The following NTNG1 variants were observed in gnomAD, a reference collection of about 807,000 sequenced individuals.
NTNG1 encodes netrin-G1.
A neutral mutation model predicts 54.0 loss-of-function variants in NTNG1; 16 were observed. The observed-to-expected ratio is 0.30, with a 90% CI of 0.20 to 0.45. The LOEUF is 0.45. Ranked by LOEUF, NTNG1 falls within the 20% of genes least tolerant of loss-of-function variation. The pLI is 1.00. For missense variants in NTNG1, 530 were observed against 678.7 expected, an observed-to-expected ratio of 0.78 and a Z score of 2.43; for synonymous variants, 255 against 263.1, an observed-to-expected ratio of 0.97 and a Z score of 0.30.
At chr1:107,407,494 G>C (rs1306326272) in intron 4 of NTNG1, among the ~76,000 whole-genome samples, 188 bp from the exon 5 acceptor site, 1 of 150,568 alleles carries the variant, frequency 6.6e-6, no homozygotes, top group Admixed American at 6.6e-5. Context: ...GCTGGAAATT[G>C]TGTGTGTGTG....
chr1:107,226,334 C>T (rs1021547394), intron 2 of NTNG1, among the ~76,000 whole-genome samples: 2 of 152,078 alleles, frequency 1.3e-5, no homozygotes, highest in Non-Finnish European at 2.9e-5. Flanking sequence ...TATTCAGATG[C>T]AACCATTAAC....
chr1:107,441,986 T>G (rs1452358210), intron 7 of NTNG1, among the ~76,000 whole-genome samples: 1 of 152,114 alleles, frequency 6.6e-6, no homozygotes, highest in African/African-American at 2.4e-5. Flanking sequence ...AGAAAGGTAT[T>G]GTGAGAGCAT....
At chr1:107,335,667 A>AT (rs77046698) in intron 3 of NTNG1, among the ~76,000 whole-genome samples, 13,815 of 151,458 alleles carry the variant, frequency 0.091, 748 homozygotes, top group East Asian at 0.16. Flanking sequence ...ATGATTTTCT[A>AT]TTTTTTTTCA....
intron 5 of NTNG1, among the ~76,000 whole-genome samples, chr1:107,414,321 A>C (rs1439768014): frequency 1.3e-5 from 2 of 152,180 alleles, no homozygotes; most frequent in Non-Finnish European, 2.9e-5. Context: ...TGCGACCACT[A>C]AATTGTCATG....
chr1:107,166,109 C>A (rs1019854808), intron 2 of NTNG1, among the ~76,000 whole-genome samples: 2 of 152,030 alleles, frequency 1.3e-5, no homozygotes, highest in Non-Finnish European at 2.9e-5. Context: ...GCAATGGGAA[C>A]ACAGAAAGAA....
At chr1:107,197,599 G>A (rs188133360) in intron 2 of NTNG1, among the ~76,000 whole-genome samples, 8 of 152,056 alleles carry the variant, frequency 5.3e-5, no homozygotes, top group African/African-American at 1.9e-4. Context: ...CAACAGATTT[G>A]TGCAGGACTA....
At chr1:107,422,956 AT>A (rs1198984742) in intron 5 of NTNG1, among the ~76,000 whole-genome samples, 2 of 152,158 alleles carry the variant, frequency 1.3e-5, no homozygotes, top group African/African-American at 4.8e-5. Flanking sequence ...TCTTAGTAAC[AT>A]TCTTTTTCTT....
At chr1:107,309,295 T>C (rs57186965) in intron 2 of NTNG1, among the ~76,000 whole-genome samples, 4,093 of 152,226 alleles carry the variant, frequency 0.027, 179 homozygotes, top group African/African-American at 0.092. Context: ...TATAAACTCA[T>C]GTTTGAGAAT....
chr1:107,437,383 G>C (rs188316053), intron 7 of NTNG1, among the ~76,000 whole-genome samples: 1 of 152,330 alleles, frequency 6.6e-6, no homozygotes, highest in Non-Finnish European at 1.5e-5. Context: ...ATTTGGTTCA[G>C]CCTCATTTCT....
At chr1:107,265,201 G>A (rs1334427378) in intron 2 of NTNG1, among the ~76,000 whole-genome samples, 1 of 152,076 alleles carries the variant, frequency 6.6e-6, no homozygotes, top group Non-Finnish European at 1.5e-5. Flanking sequence ...CAGAATAGTA[G>A]ATGCTGATAA....
In NTNG1 at chr1:107,429,750, C is replaced by A. The variant is rs1044674318; in HGVS notation, c.1088-1000C>A. The stretch of plus-strand genomic sequence containing the variant: ...AGATACCCCACCTAGTTACCACTCA[C>A]ACTTTTGTGATAATTATTTCTACCA... On this transcript the variant is annotated intron_variant, in intron 5 of 7. Transcript: ENST00000370068. 2.6e-5 allele frequency among the ~76,000 whole-genome samples: 4 copies of A among 152,156 alleles called. No homozygotes were observed. In the East Asian group the frequency reaches 7.7e-4, roughly 29 times the overall value.
chr1:107,280,973 C>T (rs3125668), intron 2 of NTNG1, among the ~76,000 whole-genome samples: 116,112 of 151,636 alleles, frequency 0.77, 45,069 homozygotes, highest in East Asian at 0.9. Context: ...GCAATTGTTC[C>T]ATATAATATG....
In NTNG1 at chr1:107,425,739, C is replaced by A. The variant is rs567467496; in HGVS notation, c.1088-5011C>A. On this transcript the variant is annotated intron_variant, in intron 5 of 7. Coordinates refer to ENST00000370068, the MANE Select transcript of NTNG1 (RefSeq NM_001113226.3). The stretch of plus-strand genomic sequence containing the variant: ...TCAAATGACAGTTCTATTTTTAGTT[C>A]TTTGAGATATCTCCATACTGTTTCC... 1.5e-4 allele frequency among the ~76,000 whole-genome samples: 23 copies of A among 152,100 alleles called. No homozygotes were observed. The South Asian group carries it at 4.8e-3, about 32-fold the overall frequency.
chr1:107,268,484 ATAT>A (rs1207758437), intron 2 of NTNG1, among the ~76,000 whole-genome samples: 1,868 of 41,922 alleles, frequency 0.045, 31 homozygotes, highest in African/African-American at 0.11. Flanking sequence ...GTCTCTCATC[ATAT>A]TTTTTTTTTT....
At chr1:107,363,662 G>T (rs1231042919) in intron 3 of NTNG1, among the ~76,000 whole-genome samples, 1 of 151,794 alleles carries the variant, frequency 6.6e-6, no homozygotes, top group Non-Finnish European at 1.5e-5. Flanking sequence ...ATCCTCTCTT[G>T]CCAGTTATAT....
At chr1:107,243,616 G>C (rs892320310) in intron 2 of NTNG1, among the ~76,000 whole-genome samples, 12 of 151,932 alleles carry the variant, frequency 7.9e-5, no homozygotes, top group Non-Finnish European at 1.8e-4. Context: ...GAGCGCACCA[G>C]CTGTTCACAG....
chr1:107,203,054 TAC>T (rs1420941804), intron 2 of NTNG1, among the ~76,000 whole-genome samples: 2 of 152,022 alleles, frequency 1.3e-5, no homozygotes, highest in African/African-American at 4.8e-5. Flanking sequence ...TAGCTATATG[TAC>T]ACACACTGAC....
intron 3 of NTNG1, among the ~76,000 whole-genome samples, chr1:107,362,489 C>A (rs12409432): frequency 0.094 from 14,324 of 152,132 alleles, 831 homozygotes; most frequent in Admixed American, 0.18. Flanking sequence ...ATGGGGTTGC[C>A]GGATCTAAGT....
In NTNG1 at chr1:107,407,701, T is replaced by C. The variant is rs1242278734; in HGVS notation, c.1080T>C (p.Ser360=). ...CTCCAGGTATCCCCAGTATTTCCAG[T>C]ATTGGTAGTAAGTAAAAACAAAAAC... ...TANTCIPSIS[S]IGNCECFGHS... is the part of the protein sequence containing the mutation. The change falls in exon 5 of 8, where the codon AGT becomes AGC. Residue 360 remains serine (S), a synonymous_variant. Transcript: ENST00000370068. The C allele has an allele frequency of 6.2e-7, 1 of 1,609,744 alleles. No individual in the cohort carries two copies. Among genetic ancestry groups the C allele is most frequent in the Non-Finnish European group, 8.5e-7 (1 of 1,177,280 alleles).
Sources: allele counts gnomAD v4.1 joint callset (sites outside exome capture counted in the v4.1 genomes callset), GRCh38; gene constraint gnomAD v4.1.1; transcripts MANE v1.5; gene names NCBI Gene and HGNC (gene_info 2026-07-23, HGNC 2026-07-21).